The following EPHA7 variants were observed in gnomAD, a reference collection of about 807,000 sequenced individuals.
EPHA7 encodes ephrin type-A receptor 7.
In EPHA7, 25 loss-of-function variants were observed where a neutral mutation model predicts 112.6. The observed-to-expected ratio is 0.22, with a 90% CI of 0.16 to 0.31. The LOEUF is 0.31. Among genes scored for constraint, EPHA7 ranks in the 10% least tolerant of loss-of-function variants. The pLI, the probability that EPHA7 is intolerant of heterozygous loss-of-function variation, is 1.00. For synonymous variants in EPHA7, 437 were observed against 406.5 expected (o/e 1.07, Z -0.90); for missense variants, 962 against 1,212.6 (o/e 0.79, Z 3.07).
chr6:93,349,656 A>T (rs1775589252), intron 5 of EPHA7, among the ~76,000 whole-genome samples: 1 of 151,876 alleles, frequency 6.6e-6, no homozygotes, highest in East Asian at 1.9e-4. Flanking sequence ...ACTTTATATA[A>T]CCAATAAATG....
chr6:93,243,793 T>C (rs1182742305), intron 16 of EPHA7, among the ~76,000 whole-genome samples: 1 of 152,106 alleles, frequency 6.6e-6, no homozygotes, highest in East Asian at 1.9e-4. Flanking sequence ...TTTGAAATTT[T>C]ACATAAGAAA....
chr6:93,331,016 G>A (rs1248878071), intron 5 of EPHA7, among the ~76,000 whole-genome samples: 1 of 151,364 alleles, frequency 6.6e-6, no homozygotes, highest in Non-Finnish European at 1.5e-5. Flanking sequence ...TAGATGATCG[G>A]TCTGTTTAGG....
chr6:93,393,732 C>A (rs1778022019), intron 3 of EPHA7, among the ~76,000 whole-genome samples: 1 of 151,738 alleles, frequency 6.6e-6, no homozygotes, highest in Admixed American at 6.6e-5. Flanking sequence ...TCATAAAGTA[C>A]AATTGGCCCT....
At chr6:93,253,519 T>C (rs1374885573) in intron 14 of EPHA7, among the ~76,000 whole-genome samples, 1 of 152,072 alleles carries the variant, frequency 6.6e-6, no homozygotes, top group African/African-American at 2.4e-5. Flanking sequence ...AGATTTTCCT[T>C]AAACACTACT....
chr6:93,385,941 GAA>G (rs1433496311), intron 3 of EPHA7, among the ~76,000 whole-genome samples: 1 of 152,112 alleles, frequency 6.6e-6, no homozygotes. Context: ...TGGAGTCAAG[GAA>G]ACTCCTTATA....
intron 5 of EPHA7, among the ~76,000 whole-genome samples, chr6:93,283,573 C>G (rs76596871): frequency 1.6e-3 from 236 of 151,962 alleles, no homozygotes; most frequent in African/African-American, 5.4e-3. Flanking sequence ...CCAGAAGGAA[C>G]GAACAACTCC....
chr6:93,253,691 A>G (rs1770314731), intron 14 of EPHA7, among the ~76,000 whole-genome samples: 1 of 152,060 alleles, frequency 6.6e-6, no homozygotes, highest in Non-Finnish European at 1.5e-5. Flanking sequence ...ATCGGTCTTC[A>G]TACACCTCTA....
intron 3 of EPHA7, among the ~76,000 whole-genome samples, chr6:93,366,616 C>T (rs537693800): frequency 2.6e-5 from 4 of 152,194 alleles, no homozygotes; most frequent in Admixed American, 2.6e-4. Context: ...TGTTAAAAAA[C>T]AGGTTCTACA....
At chr6:93,331,639 C>T (rs187953358) in intron 5 of EPHA7, among the ~76,000 whole-genome samples, 1 of 151,482 alleles carries the variant, frequency 6.6e-6, no homozygotes, top group East Asian at 1.9e-4. Context: ...TACCTAAGGA[C>T]AAATTATTAC....
intron 3 of EPHA7, among the ~76,000 whole-genome samples, chr6:93,369,597 A>T (rs1312444453): frequency 6.6e-6 from 1 of 152,194 alleles, no homozygotes; most frequent in East Asian, 1.9e-4. Context: ...AAGGCTACTT[A>T]GGAGAACAGT....
intron 3 of EPHA7, among the ~76,000 whole-genome samples, chr6:93,374,934 A>G (rs1776977927): frequency 1.3e-5 from 2 of 152,202 alleles, no homozygotes; most frequent in African/African-American, 4.8e-5. Context: ...TTCAAAAAAG[A>G]TAATATTGCT....
At chr6:93,367,386 C>T (rs996644723) in intron 3 of EPHA7, among the ~76,000 whole-genome samples, 10 of 152,006 alleles carry the variant, frequency 6.6e-5, no homozygotes, top group Admixed American at 3.3e-4. Context: ...ATTATGAAAA[C>T]CTACTGAGAA....
chr6:93,278,636 A>C (rs544947132), intron 5 of EPHA7, among the ~76,000 whole-genome samples: 1 of 152,158 alleles, frequency 6.6e-6, no homozygotes, highest in South Asian at 2.1e-4. Flanking sequence ...AGAATTTGCA[A>C]CATTAGATAG....
intron 5 of EPHA7, among the ~76,000 whole-genome samples, chr6:93,291,681 T>C (rs904036686): frequency 1.5e-5 from 2 of 133,546 alleles, no homozygotes; most frequent in East Asian, 2.4e-4. Context: ...GGCAGGAGAA[T>C]GGCGTGAACC....
At chr6:93,320,050 T>C (rs986424452) in intron 5 of EPHA7, among the ~76,000 whole-genome samples, 1 of 152,008 alleles carries the variant, frequency 6.6e-6, no homozygotes, top group Non-Finnish European at 1.5e-5. Flanking sequence ...GAAAGTATGA[T>C]AGATAATTAA....
At chr6:93,310,808 T>G (rs1320690983) in intron 5 of EPHA7, among the ~76,000 whole-genome samples, 7 of 152,312 alleles carry the variant, frequency 4.6e-5, no homozygotes, top group African/African-American at 1.7e-4. Context: ...ATAATATTTT[T>G]GCTGATGAGG....
rs370325404 is a variant in EPHA7 at position 93,385,894 on chromosome 6, CCTT to C, written c.832+24604_832+24606del. 4.3e-4 allele frequency among the ~76,000 whole-genome samples: 65 copies of C among 152,230 alleles called. 1 individual carries two copies. The East Asian group carries it at 9.5e-3, about 22-fold the overall frequency. ...ATGGTGGAAGGGGACGCAAACACGTCCTTCTTCACATGGCAGCAGGAGAGAGAA... is the reference window on the plus strand; with the variant it reads ...ATGGTGGAAGGGGACGCAAACACGTCCTTCACATGGCAGCAGGAGAGAGAA... On this transcript the variant is annotated intron_variant, in intron 3 of 16. Coordinates refer to ENST00000369303, the MANE Select transcript of EPHA7 (RefSeq NM_004440.4).
intron 5 of EPHA7, among the ~76,000 whole-genome samples, chr6:93,320,653 A>T (rs1014967575): frequency 1.3e-5 from 2 of 152,016 alleles, no homozygotes; most frequent in African/African-American, 4.8e-5. Flanking sequence ...GGTGCAATTA[A>T]AGCTAAGGGA....
At chr6:93,278,471 T>C (rs1254066159) in intron 5 of EPHA7, among the ~76,000 whole-genome samples, 1 of 152,056 alleles carries the variant, frequency 6.6e-6, no homozygotes, top group Non-Finnish European at 1.5e-5. Context: ...AACATGACAA[T>C]TCAGAATGGT....
Sources: allele counts gnomAD v4.1 joint callset (sites outside exome capture counted in the v4.1 genomes callset), GRCh38; gene constraint gnomAD v4.1.1; transcripts MANE v1.5; gene names NCBI Gene and HGNC (gene_info 2026-07-23, HGNC 2026-07-21).